The following NRG1 variants were observed in gnomAD, a reference collection of about 807,000 sequenced individuals.
NRG1 encodes the protein pro-neuregulin-1, membrane-bound isoform.
In NRG1, 18 loss-of-function variants were observed where a neutral mutation model predicts 63.8. The observed-to-expected ratio is 0.28, with a 90% CI of 0.19 to 0.42. NRG1 has a LOEUF of 0.42. Ranked by LOEUF, NRG1 falls within the 10% of genes least tolerant of loss-of-function variation. NRG1 has a pLI of 1.00. For synonymous variants in NRG1, 302 were observed against 301.3 expected (o/e 1.00, Z -0.02); for missense variants, 762 against 814.7 (o/e 0.94, Z 0.79).
intron 1 of NRG1, among the ~76,000 whole-genome samples, chr8:32,327,949 C>A (rs1802202969): frequency 3.3e-5 from 5 of 152,144 alleles, no homozygotes; most frequent in Admixed American, 3.3e-4. Context: ...GAGTTGAGGG[C>A]AGAAAGTAAT....
chr8:31,993,200 T>C (rs139232852), intron 1 of NRG1, among the ~76,000 whole-genome samples: 283 of 152,034 alleles, frequency 1.9e-3, no homozygotes, highest in African/African-American at 6.7e-3. Flanking sequence ...ATGAGTAAGA[T>C]TCTATAAATG....
At chr8:32,061,315 C>T (rs1823817828) in intron 1 of NRG1, among the ~76,000 whole-genome samples, 2 of 151,952 alleles carry the variant, frequency 1.3e-5, no homozygotes, top group Admixed American at 6.6e-5. Context: ...ATGATACTCA[C>T]CTCTGATATT....
chr8:32,404,666 C>T (rs564139130), intron 1 of NRG1, among the ~76,000 whole-genome samples: 2 of 149,522 alleles, frequency 1.3e-5, no homozygotes, highest in Admixed American at 1.3e-4. Flanking sequence ...CTCAGTGCAA[C>T]CTCCACCTCC....
intron 1 of NRG1, among the ~76,000 whole-genome samples, chr8:32,175,278 A>G (rs1212049685): frequency 6.6e-6 from 1 of 151,362 alleles, no homozygotes; most frequent in African/African-American, 2.4e-5. Flanking sequence ...ACAAAATTCA[A>G]CAACTCTTCA....
rs778438415 is a variant in NRG1 at position 31,919,188 on chromosome 8, TG to T, written c.37+279758del. Among the ~76,000 whole-genome samples the T allele has an allele frequency of 6.6e-5, 10 of 152,270 alleles. No individual in the cohort carries two copies. The East Asian group carries it at 1.7e-3, about 26-fold the overall frequency. On this transcript the variant is annotated intron_variant, in intron 1 of 10. Transcript: ENST00000519301. The stretch of plus-strand genomic sequence containing the variant: ...TCATTGATTTTTTTGAAGGGTTTTT[TG>T]TGTCTCTATTTCCTTCCGTTCTGCT...
At position 32,694,446 on chromosome 8, in the gene NRG1, T is replaced by A. The variant is rs75103436; in HGVS notation, c.503-33503T>A. Among the ~76,000 whole-genome samples the A allele has an allele frequency of 1.3e-3, 204 of 152,322 alleles. 2 individuals carry two copies. The East Asian group carries it at 0.02, about 15-fold the overall frequency. On this transcript the variant is annotated intron_variant, in intron 5 of 11. Coordinates refer to ENST00000356819, the Ensembl canonical transcript of NRG1. ...TAGTCTCGTGAGGTGCTTCATTTTT[T>A]AAAGTATTCTTTATTGTGTTTTTTC...
chr8:32,046,151 G>A (rs115888799), intron 1 of NRG1, among the ~76,000 whole-genome samples: 1,705 of 152,070 alleles, frequency 0.011, 28 homozygotes, highest in African/African-American at 0.036. Context: ...ACAGATTGTC[G>A]ACCAAAGTAG....
At chr8:32,463,530 T>C (rs183602708) in intron 1 of NRG1, among the ~76,000 whole-genome samples, 2 of 152,218 alleles carry the variant, frequency 1.3e-5, no homozygotes, top group African/African-American at 4.8e-5. Context: ...AAATTATGAA[T>C]GGGAAAAATT....
intron 5 of NRG1, chr8:32,721,787 C>T: frequency 1.6e-6 from 2 of 1,238,782 alleles, no homozygotes; most frequent in Non-Finnish European, 2.1e-6. Flanking sequence ...AATGACTCCA[C>T]CTATCATTCC....
At chr8:31,667,553 G>A (rs1449699870) in intron 1 of NRG1, among the ~76,000 whole-genome samples, 1 of 152,156 alleles carries the variant, frequency 6.6e-6, no homozygotes, top group African/African-American at 2.4e-5. Context: ...TACCAAGGGA[G>A]GTAATGGCCT....
intron 1 of NRG1, among the ~76,000 whole-genome samples, chr8:31,659,477 C>G (rs967736251): frequency 6.6e-6 from 1 of 151,948 alleles, no homozygotes; most frequent in South Asian, 2.1e-4. Flanking sequence ...AACTGAGGCT[C>G]CCCCAGGGGC....
chr8:32,393,526 A>G (rs1031365302), intron 1 of NRG1, among the ~76,000 whole-genome samples: 8 of 152,218 alleles, frequency 5.3e-5, no homozygotes, highest in African/African-American at 1.2e-4. Flanking sequence ...AATGTGGTAC[A>G]TATATACCAT....
intron 1 of NRG1, among the ~76,000 whole-genome samples, chr8:32,525,727 C>A (rs1256501056): frequency 6.6e-6 from 1 of 152,056 alleles, no homozygotes; most frequent in Non-Finnish European, 1.5e-5. Context: ...CACCAACACC[C>A]GCCCCCTTTC....
At chr8:31,671,550 T>C (rs1807146033) in intron 1 of NRG1, among the ~76,000 whole-genome samples, 1 of 151,946 alleles carries the variant, frequency 6.6e-6, no homozygotes, top group Non-Finnish European at 1.5e-5. Flanking sequence ...AGTTTCACTC[T>C]GATTAATTTG....
At position 31,682,943 on chromosome 8, in the gene NRG1, A is replaced by G. The variant is rs116984357; in HGVS notation, c.37+43512A>G. Among the ~76,000 whole-genome samples, 2,011 of 152,280 alleles carry G rather than the reference A, an allele frequency of 0.013. 63 individuals carry two copies. The South Asian group carries it at 0.14, about 11-fold the overall frequency. On this transcript the variant is annotated intron_variant, in intron 1 of 10. Transcript: ENST00000519301. ...CCACGCTTTTGTGAGTTTTACATGC[A>G]GGAGACTATCAGGTCCTCATAGTGA...
chr8:32,313,466 C>T (rs1427063297), intron 1 of NRG1, among the ~76,000 whole-genome samples: 1 of 152,012 alleles, frequency 6.6e-6, no homozygotes, highest in East Asian at 1.9e-4. Flanking sequence ...GTGTCTTAAT[C>T]TTTTGAAAAA....
At chr8:32,588,758 T>C (rs2129535150) in intron 1 of NRG1, among the ~76,000 whole-genome samples, 1 of 152,328 alleles carries the variant, frequency 6.6e-6, no homozygotes, top group South Asian at 2.1e-4. Context: ...TGGTTGGATT[T>C]AGTTTGCTGC....
chr8:32,657,345 A>C (rs1039375920), intron 5 of NRG1, among the ~76,000 whole-genome samples: 1 of 151,230 alleles, frequency 6.6e-6, no homozygotes, highest in Admixed American at 6.6e-5. Context: ...TCTTTCCTCT[A>C]TTCTTTCATA....
intron 5 of NRG1, among the ~76,000 whole-genome samples, chr8:32,707,232 G>A (rs558950216): frequency 5.3e-5 from 8 of 152,044 alleles, no homozygotes; most frequent in African/African-American, 1.9e-4. Context: ...ACATTGTAAT[G>A]TTTACATTGA....
Sources: gnomAD v4.1 joint callset for allele counts (sites outside exome capture counted in the v4.1 genomes callset) on GRCh38, gnomAD v4.1.1 for gene constraint, MANE v1.5 for transcripts, NCBI Gene and HGNC (gene_info 2026-07-23, HGNC 2026-07-21) for gene names.